Variants in ACVR1 observed in about 807,000 individuals in gnomAD.
ACVR1 encodes the protein activin receptor type-1.
A neutral mutation model predicts 57.1 loss-of-function variants in ACVR1; 38 were observed. The ratio of observed to expected loss-of-function variants is 0.67; its 90% CI spans 0.51 to 0.87. The LOEUF is 0.87. ACVR1 is among the 40% of genes least tolerant of loss of function. ACVR1 has a pLI of 0.00. For synonymous variants in ACVR1, 212 were observed against 228.1 expected, an observed-to-expected ratio of 0.93 and a Z score of 0.63; for missense variants, 463 against 638.2, an observed-to-expected ratio of 0.73 and a Z score of 2.96.
chr2:157,798,564 G>A (rs1687207158), intron 3 of ACVR1, among the ~76,000 whole-genome samples: 1 of 151,724 alleles, frequency 6.6e-6, no homozygotes, highest in African/African-American at 2.4e-5. Context: ...ATCTTGCTCT[G>A]TTGCCCAGGC....
At chr2:157,749,724 G>A (rs1685107387) in intron 9 of ACVR1, among the ~76,000 whole-genome samples, 1 of 152,188 alleles carries the variant, frequency 6.6e-6, no homozygotes, top group African/African-American at 2.4e-5. Context: ...CTGAAAACAG[G>A]CCTGCCCCAC....
At chr2:157,747,359 C>G (rs138118798) in intron 9 of ACVR1, among the ~76,000 whole-genome samples, 1 of 152,132 alleles carries the variant, frequency 6.6e-6, no homozygotes, top group Admixed American at 6.5e-5. Flanking sequence ...GATTAAGAAT[C>G]ATTTCCCTGA....
At chr2:157,762,892 C>A (rs1685715720) in intron 8 of ACVR1, among the ~76,000 whole-genome samples, 1 of 152,142 alleles carries the variant, frequency 6.6e-6, no homozygotes, top group Non-Finnish European at 1.5e-5. Flanking sequence ...GAAACTCCAG[C>A]TCTGGTTGAG....
Position 157,739,760 on chromosome 2 carries a change from C to T in ACVR1, c.1265-1190G>A, listed in dbSNP as rs1325432934. 2.0e-5 allele frequency among the ~76,000 whole-genome samples: 3 copies of T among 152,306 alleles called. No individual in the cohort carries two copies. In the East Asian group the frequency reaches 5.8e-4, roughly 29 times the overall value. On this transcript the variant is annotated intron_variant, in intron 9 of 10. Coordinates refer to ENST00000434821, the MANE Select transcript of ACVR1 (RefSeq NM_001111067.4). Reference sequence around the variant, plus strand: ...CATCCTTACAAATTCCATACAAATACAAACCATTTATGCAAAAGATTAGAT... The same window carrying T: ...CATCCTTACAAATTCCATACAAATATAAACCATTTATGCAAAAGATTAGAT...
At chr2:157,871,948 T>C (rs1030036203) in intron 1 of ACVR1, among the ~76,000 whole-genome samples, 1 of 152,342 alleles carries the variant, frequency 6.6e-6, no homozygotes, top group South Asian at 2.1e-4. Context: ...GTCTTTCATT[T>C]GAATGTCCTT....
chr2:157,829,386 C>T (rs1162165023), intron 1 of ACVR1, among the ~76,000 whole-genome samples: 2 of 152,202 alleles, frequency 1.3e-5, no homozygotes, highest in African/African-American at 2.4e-5. Context: ...GGACCTCTCC[C>T]ACCAGCAGTG....
intron 2 of ACVR1, among the ~76,000 whole-genome samples, chr2:157,806,443 C>T (rs544465908): frequency 4.6e-5 from 7 of 152,220 alleles, no homozygotes; most frequent in African/African-American, 7.2e-5. Flanking sequence ...AAAATAAAAA[C>T]GGAAATTAGT....
chr2:157,754,364 A>G (rs1014779485), intron 9 of ACVR1, among the ~76,000 whole-genome samples: 1 of 152,236 alleles, frequency 6.6e-6, no homozygotes, highest in Non-Finnish European at 1.5e-5. Context: ...CATTAGCAAG[A>G]TTAACCAAGA....
chr2:157,853,389 T>C (rs747313780), intron 1 of ACVR1, among the ~76,000 whole-genome samples: 1 of 152,152 alleles, frequency 6.6e-6, no homozygotes, highest in South Asian at 2.1e-4. Context: ...CTGATATCTC[T>C]TCTTACAAGC....
At position 157,770,425 on chromosome 2, in the gene ACVR1, A is replaced by G; in HGVS notation, c.733T>C (p.Trp245Arg). Residue 245 changes from tryptophan (W) to arginine (R), a missense_variant, in exon 7 of 11, where the codon TGG becomes CGG. Trp to Arg is a moderately radical substitution (Grantham distance 101, BLOSUM62 -3). This residue lies in a region of ACVR1 where 114 missense variants were observed against 216.2 expected (regional missense o/e 0.53). Coordinates refer to ENST00000434821, the MANE Select transcript of ACVR1 (RefSeq NM_001111067.4). Reference sequence around the variant, plus strand: ...TTGTACAATTCCGTTTCCCTGAACCATGACTTCTCATCACGGGAGGAGAAG... The same window carrying G: ...TTGTACAATTCCGTTTCCCTGAACCGTGACTTCTCATCACGGGAGGAGAAG... Reference protein sequence around the residue: ...KIFSSRDEKSWFRETELYNTV... With the variant: ...KIFSSRDEKSRFRETELYNTV... The G allele has an allele frequency of 6.2e-7, 1 of 1,614,124 alleles. No homozygotes were observed. The highest frequency in any genetic ancestry group is 1.7e-5 in the Admixed American group (1 of 60,018).
At chr2:157,794,983 T>G (rs1418621146) in intron 3 of ACVR1, among the ~76,000 whole-genome samples, 3 of 144,262 alleles carry the variant, frequency 2.1e-5, no homozygotes, top group Non-Finnish European at 4.6e-5. Context: ...GGGGTAAAAG[T>G]TTTTTTTTTT....
At chr2:157,779,808 C>T (rs3820743) in intron 4 of ACVR1, among the ~76,000 whole-genome samples, 118,653 of 152,080 alleles carry the variant, frequency 0.78, 46,398 homozygotes, top group East Asian at 0.93. Flanking sequence ...AGGGTTTGTG[C>T]GAAATCTCAT....
At chr2:157,800,086 C>T (rs1019070196) in intron 2 of ACVR1, among the ~76,000 whole-genome samples, 3 of 152,158 alleles carry the variant, frequency 2.0e-5, no homozygotes, top group Non-Finnish European at 2.9e-5. Flanking sequence ...CTGCATTAAA[C>T]AAATTTAACA....
intron 7 of ACVR1, among the ~76,000 whole-genome samples, chr2:157,767,284 T>C (rs1685901137): frequency 6.6e-6 from 1 of 152,146 alleles, no homozygotes; most frequent in African/African-American, 2.4e-5. Flanking sequence ...TCCACCTGCC[T>C]TGGCCTCCCA....
intron 7 of ACVR1, among the ~76,000 whole-genome samples, chr2:157,769,858 T>C (rs1221309864): frequency 6.6e-6 from 1 of 152,208 alleles, no homozygotes; most frequent in East Asian, 1.9e-4. Context: ...ATTTCACAAA[T>C]GTTGCTAAGC....
chr2:157,752,347 T>C (rs895750019), intron 9 of ACVR1, among the ~76,000 whole-genome samples: 3 of 152,032 alleles, frequency 2.0e-5, no homozygotes, highest in South Asian at 4.1e-4. Flanking sequence ...ACATAGCCTA[T>C]CCAAATGAGA....
rs1374536233 is a variant in ACVR1, at chr2:157,832,608, C to T, written c.-182-14049G>A. 3.9e-5 allele frequency among the ~76,000 whole-genome samples: 6 copies of T among 152,142 alleles called. No homozygotes were observed. In the South Asian group the frequency reaches 1.2e-3, roughly 32 times the overall value. On this transcript the variant is annotated intron_variant, in intron 1 of 10. Transcript: ENST00000434821. Reference sequence around the variant, plus strand: ...TATATGAGTAACCACAAAACAGAGACATTTTCTATACTTTACTCTCCTCAA... The same window carrying T: ...TATATGAGTAACCACAAAACAGAGATATTTTCTATACTTTACTCTCCTCAA...
chr2:157,788,732 C>T (rs1686803861), intron 3 of ACVR1, among the ~76,000 whole-genome samples: 1 of 151,920 alleles, frequency 6.6e-6, no homozygotes, highest in African/African-American at 2.4e-5. Context: ...AATGTATTCC[C>T]CATGGATAAA....
chr2:157,867,193 C>T (rs186649606), intron 1 of ACVR1, among the ~76,000 whole-genome samples: 1 of 152,276 alleles, frequency 6.6e-6, no homozygotes, highest in Admixed American at 6.5e-5. Context: ...CATATGTTTG[C>T]CCAACCCCTA....
Sources: allele counts gnomAD v4.1 joint callset (sites outside exome capture counted in the v4.1 genomes callset), GRCh38; gene constraint gnomAD v4.1.1; regional missense constraint gnomAD v4.1.1; transcripts MANE v1.5; gene names NCBI Gene and HGNC (gene_info 2026-07-23, HGNC 2026-07-21).